IBSP: variants seen among roughly 807,000 people sequenced by gnomAD.
IBSP encodes the protein integrin binding sialoprotein.
A neutral mutation model predicts 25.5 loss-of-function variants in IBSP; 19 were observed. That is an observed-to-expected ratio of 0.74 (90% CI 0.52 to 1.09). The LOEUF is 1.09. IBSP is among the 50% of genes least tolerant of loss of function. IBSP has a pLI of 0.00. For synonymous variants in IBSP, 144 were observed against 137.6 expected (o/e 1.05, Z -0.33); for missense variants, 360 against 382.3 (o/e 0.94, Z 0.49).
At chr4:87,803,981 T>C (rs1273570028) in intron 4 of IBSP, among the ~76,000 whole-genome samples, 2 of 152,192 alleles carry the variant, frequency 1.3e-5, no homozygotes, top group Non-Finnish European at 2.9e-5. Context: ...TATGTATGTA[T>C]GGGCCCATTA....
chr4:87,800,730 T>C (rs1407782455), intron 1 of IBSP, among the ~76,000 whole-genome samples: 2 of 152,138 alleles, frequency 1.3e-5, no homozygotes, highest in East Asian at 1.9e-4. Flanking sequence ...CAAGACAGTA[T>C]CTCCAGGACT....
chr4:87,809,340 C>A lies in IBSP; in HGVS notation c.247-1266C>A, dbSNP rs559153338. Among the ~76,000 whole-genome samples, 66 of 152,176 alleles carry A rather than the reference C, an allele frequency of 4.3e-4. No homozygotes were observed. In the South Asian group the frequency reaches 0.014, roughly 31 times the overall value. ...GGGATATTGGGCCTTTAGTTGTGAC[C>A]CTACCACCAATAAACTGCTATCTAT... On this transcript the variant is annotated intron_variant, in intron 5 of 6. Transcript: ENST00000226284.
chr4:87,802,739 T>C lies in IBSP; in HGVS notation c.183+8T>C, dbSNP rs1293662426. 5 of 1,489,238 alleles carry C rather than the reference T, an allele frequency of 3.4e-6. No individual in the cohort carries two copies. Among genetic ancestry groups the C allele is most frequent in the Non-Finnish European group, 4.5e-6 (5 of 1,117,872 alleles). The allele number at this position is 1,489,238 out of a possible 1,614,324, so 92.3% of individuals were successfully genotyped here. A position where few individuals can be genotyped will look rare whatever the true frequency, so the allele number is the denominator to read the frequency against. ...AAACGATTTCCAGTTCAGGTAAATA[T>C]AGAAATTCATTTTTCTTCAGTTTAA... On this transcript the variant is annotated splice_region_variant and intron_variant, in intron 4 of 6. Coordinates refer to ENST00000226284, the MANE Select transcript of IBSP (RefSeq NM_004967.4).
chr4:87,812,091 G>C lies in IBSP; in HGVS notation c.*181G>C. 1 of 497,366 alleles carries C rather than the reference G, an allele frequency of 2.0e-6. No individual in the cohort carries two copies. The highest frequency in any genetic ancestry group is 3.5e-6 in the Non-Finnish European group (1 of 287,636). The allele number at this position is 497,366 out of a possible 1,614,324, so 30.8% of individuals were successfully genotyped here. On this transcript the variant is annotated 3_prime_UTR_variant, in exon 7 of 7. Transcript: ENST00000226284. ...TAGGCTTCTTGTCCCTTTTTTTTCT[G>C]GCATGTTATGGAATGATCATTGTAA...
At chr4:87,806,284 A>G (rs1722088814) in intron 5 of IBSP, 100 bp downstream of exon 5, 1 of 818,354 alleles carries the variant, frequency 1.2e-6, no homozygotes, top group Non-Finnish European at 2.0e-6. Flanking sequence ...AGCCATTGTC[A>G]CTTTACTAAC....
At position 87,810,599 on chromosome 4, in the gene IBSP, T is replaced by G. The variant is rs561370416; in HGVS notation, c.247-7T>G. ...ATAATTTTTCTTACTATGAATATTT[T>G]TAACAGGAGACTTCAAATGAAGGAG... On this transcript the variant is annotated splice_polypyrimidine_tract_variant and splice_region_variant and intron_variant, in intron 5 of 6. Transcript: ENST00000226284. The G allele has an allele frequency of 7.5e-6, 12 of 1,600,376 alleles. No homozygotes were observed. The African/African-American group carries it at 1.6e-4, about 21-fold the overall frequency.
chr4:87,810,590 T>A lies in IBSP; in HGVS notation c.247-16T>A. The stretch of plus-strand genomic sequence containing the variant: ...CCAGGTAAAATAATTTTTCTTACTA[T>A]GAATATTTTTAACAGGAGACTTCAA... On this transcript the variant is annotated splice_polypyrimidine_tract_variant and intron_variant, in intron 5 of 6. Coordinates refer to ENST00000226284, the MANE Select transcript of IBSP (RefSeq NM_004967.4). 6.4e-7 allele frequency: 1 copy of A among 1,571,820 alleles called. No individual in the cohort carries two copies. Among genetic ancestry groups the A allele is most frequent in the Non-Finnish European group, 8.7e-7 (1 of 1,142,932 alleles).
In IBSP at chr4:87,811,350, G is replaced by A. The variant is rs1164366862; in HGVS notation, c.406-12G>A. On this transcript the variant is annotated splice_polypyrimidine_tract_variant and intron_variant, in intron 6 of 6. Transcript: ENST00000226284. ...CAGCTAGATTTGGGTTCTTTCAAAC[G>A]TTTCCTTACAGGCTGGGGATATAAC... is the stretch of plus-strand genomic sequence containing the variant. 6.3e-7 allele frequency: 1 copy of A among 1,582,852 alleles called. No homozygotes were observed. The highest frequency in any genetic ancestry group is 8.6e-7 in the Non-Finnish European group (1 of 1,168,626).
At chr4:87,809,298 G>A (rs1053751453) in intron 5 of IBSP, among the ~76,000 whole-genome samples, 1 of 152,306 alleles carries the variant, frequency 6.6e-6, no homozygotes, top group East Asian at 1.9e-4. Flanking sequence ...AAAGGTGTAA[G>A]AGAAAATATA....
chr4:87,810,354 T>C (rs528933585), intron 5 of IBSP, among the ~76,000 whole-genome samples: 53 of 152,354 alleles, frequency 3.5e-4, no homozygotes, highest in Non-Finnish European at 6.2e-4. Context: ...TATTTTTTAA[T>C]TGATAAAATA....
chr4:87,806,088 A>G, intron 4 of IBSP, 34 bp from the exon 5 acceptor site: 6 of 1,466,174 alleles, frequency 4.1e-6, no homozygotes, highest in Non-Finnish European at 5.7e-6. Flanking sequence ...TTGTACACAG[A>G]TAAGAGTATA....
At position 87,802,394 on chromosome 4, in the gene IBSP, G is replaced by T. The variant is rs1722033145; in HGVS notation, c.33G>T (p.Leu11Phe). 6.2e-7 allele frequency: 1 copy of T among 1,610,602 alleles called. No individual in the cohort carries two copies. Among genetic ancestry groups the T allele is most frequent in the Non-Finnish European group, 8.5e-7 (1 of 1,178,718 alleles). MKTALILLSILGMACAFSMKN... is the reference protein window; with the variant it reads MKTALILLSIFGMACAFSMKN... ...CTGCTTTAATTTTGCTCAGCATTTTGGGAATGGCCTGTGCTTTCTCAGTAA... is the reference window on the plus strand; with the variant it reads ...CTGCTTTAATTTTGCTCAGCATTTTTGGAATGGCCTGTGCTTTCTCAGTAA... The change falls in exon 2 of 7, where the codon TTG becomes TTT. Residue 11 changes from leucine (L) to phenylalanine (F), a missense_variant. Coordinates refer to ENST00000226284, the MANE Select transcript of IBSP (RefSeq NM_004967.4).
chr4:87,801,399 G>A (rs1023625786), intron 1 of IBSP, among the ~76,000 whole-genome samples: 7 of 151,830 alleles, frequency 4.6e-5, no homozygotes, highest in Non-Finnish European at 7.4e-5. Context: ...TTGCTGTTGC[G>A]TGCTACATGA....
chr4:87,811,535 C>G lies in IBSP; in HGVS notation c.579C>G (p.Ser193Arg). Residue 193 changes from serine (S) to arginine (R), a missense_variant, in exon 7 of 7, where the codon AGC (serine) becomes AGG (arginine). Transcript: ENST00000226284. Reference sequence around the variant, plus strand: ...AGGCAGAAAACGGCAACGGCAGCAGCGGAGGAGACAATGGAGAAGAAGGGG... The same window carrying G: ...AGGCAGAAAACGGCAACGGCAGCAGGGGAGGAGACAATGGAGAAGAAGGGG... The part of the protein sequence containing the change: ...STEAENGNGS[S>R]GGDNGEEGEE... 6.2e-7 allele frequency: 1 copy of G among 1,613,832 alleles called. No individual in the cohort carries two copies. Among genetic ancestry groups the G allele is most frequent in the Non-Finnish European group, 8.5e-7 (1 of 1,179,922 alleles).
rs771779260 is a variant in IBSP, at chr4:87,812,029, C to T, written c.*119C>T. 2.1e-5 allele frequency: 16 copies of T among 757,594 alleles called. No individual in the cohort carries two copies. Among genetic ancestry groups the T allele is most frequent in the Non-Finnish European group, 3.2e-5 (16 of 492,316 alleles). 46.9% of individuals were successfully genotyped at this position (757,594 alleles called of 1,614,324 possible). A position where few individuals can be genotyped will look rare whatever the true frequency, so the allele number is the denominator to read the frequency against. On this transcript the variant is annotated 3_prime_UTR_variant, in exon 7 of 7. Coordinates refer to ENST00000226284, the MANE Select transcript of IBSP (RefSeq NM_004967.4). ...CATATTATAATGAGGAATGGTACTA[C>T]CGTTCCAGATTTTCTGTAATTGCTT...
At chr4:87,806,065 C>G in intron 4 of IBSP, 57 bp from the exon 5 acceptor site, 1 of 1,267,128 alleles carries the variant, frequency 7.9e-7, no homozygotes, top group Non-Finnish European at 1.1e-6. Context: ...ATTTAAATTG[C>G]TGTTGAATAT....
At position 87,802,685 on chromosome 4, in the gene IBSP, A is replaced by G. The variant is rs751120041; in HGVS notation, c.137A>G (p.Tyr46Cys). 32 of 1,568,782 alleles carry G rather than the reference A, an allele frequency of 2.0e-5. No homozygotes were observed. The highest frequency in any genetic ancestry group is 2.6e-5 in the Non-Finnish European group (30 of 1,166,934). The stretch of plus-strand genomic sequence containing the variant: ...AAGTACAGGCCACGATATTATCTTT[A>G]CAAGCATGCCTACTTTTATCCTCAT... ...VFKYRPRYYLYKHAYFYPHLK... is the reference protein window; with the variant it reads ...VFKYRPRYYLCKHAYFYPHLK... The change falls in exon 4 of 7, where the codon TAC becomes TGC. Residue 46 changes from tyrosine (Y) to cysteine (C), a missense_variant. Tyr to Cys is a radical substitution (Grantham distance 194). Coordinates refer to ENST00000226284, the MANE Select transcript of IBSP (RefSeq NM_004967.4).
rs1722186202 is a variant in IBSP at position 87,811,998 on chromosome 4, A to G, written c.*88A>G. The G allele has an allele frequency of 2.0e-6, 2 of 1,011,276 alleles. No homozygotes were observed. The highest frequency in any genetic ancestry group is 2.9e-6 in the Non-Finnish European group (2 of 689,412). The allele number at this position is 1,011,276 out of a possible 1,614,324, so 62.6% of individuals were successfully genotyped here. A position where few individuals can be genotyped will look rare whatever the true frequency, so the allele number is the denominator to read the frequency against. On this transcript the variant is annotated 3_prime_UTR_variant, in exon 7 of 7. Coordinates refer to ENST00000226284, the MANE Select transcript of IBSP (RefSeq NM_004967.4). The stretch of plus-strand genomic sequence containing the variant: ...CAACTCAGGAAGGTGCAATATAACA[A>G]ATGTGCATATTATAATGAGGAATGG...
At position 87,811,971 on chromosome 4, in the gene IBSP, T is replaced by A; in HGVS notation, c.*61T>A. On this transcript the variant is annotated 3_prime_UTR_variant, in exon 7 of 7. Coordinates refer to ENST00000226284, the MANE Select transcript of IBSP (RefSeq NM_004967.4). Reference sequence around the variant, plus strand: ...TTGCATCCGGCTACCATTTTCGAAGTTCAACTCAGGAAGGTGCAATATAAC... The same window carrying A: ...TTGCATCCGGCTACCATTTTCGAAGATCAACTCAGGAAGGTGCAATATAAC... The A allele has an allele frequency of 3.0e-6, 4 of 1,337,732 alleles. No homozygotes were observed. Among genetic ancestry groups the A allele is most frequent in the Non-Finnish European group, 1.0e-6 (1 of 976,532 alleles). 82.9% of individuals were successfully genotyped at this position (1,337,732 alleles called of 1,614,324 possible).
Sources: gnomAD v4.1 joint callset for allele counts (sites outside exome capture counted in the v4.1 genomes callset) on GRCh38, gnomAD v4.1.1 for gene constraint, MANE v1.5 for transcripts, NCBI Gene and HGNC (gene_info 2026-07-23, HGNC 2026-07-21) for gene names.